GAS2: variants seen among roughly 807,000 people sequenced by gnomAD.
GAS2 encodes growth arrest-specific protein 2.
Under a neutral mutation model 37.5 loss-of-function variants are expected in GAS2, and 20 were observed. The ratio of observed to expected loss-of-function variants is 0.53; its 90% CI spans 0.37 to 0.77. GAS2 has a LOEUF of 0.77. Among genes scored for constraint, GAS2 ranks in the 30% least tolerant of loss-of-function variants. The pLI is 0.00. For missense variants in GAS2, 336 were observed against 373.4 expected, an observed-to-expected ratio of 0.90 and a Z score of 0.82; for synonymous variants, 144 against 132.2, an observed-to-expected ratio of 1.09 and a Z score of -0.61.
chr11:22,740,223 C>T (rs1852999098), intron 5 of GAS2, among the ~76,000 whole-genome samples: 1 of 152,054 alleles, frequency 6.6e-6, no homozygotes, highest in African/African-American at 2.4e-5. Flanking sequence ...GTGAATAGTT[C>T]CTCCCACCCA....
chr11:22,723,579 G>C (rs1376496561), intron 3 of GAS2, among the ~76,000 whole-genome samples: 1 of 151,714 alleles, frequency 6.6e-6, no homozygotes, highest in East Asian at 1.9e-4. Context: ...GTTCCTTTTT[G>C]CCACATAGAT....
upstream of GAS2, among the ~76,000 whole-genome samples, chr11:22,665,946 C>T (rs1848977636): frequency 2.0e-5 from 3 of 152,164 alleles, no homozygotes; most frequent in African/African-American, 7.2e-5. Flanking sequence ...AACTGATGAA[C>T]ATGAGAACAA....
intron 7 of GAS2, among the ~76,000 whole-genome samples, chr11:22,787,572 C>A (rs12789792): frequency 0.36 from 54,326 of 150,858 alleles, 10,677 homozygotes; most frequent in South Asian, 0.57. Context: ...TAGATTTATT[C>A]CGAAAAAAAA....
chr11:22,693,971 A>G (rs1009555438), intron 3 of GAS2, among the ~76,000 whole-genome samples: 1 of 152,146 alleles, frequency 6.6e-6, no homozygotes, highest in Non-Finnish European at 1.5e-5. Flanking sequence ...ATGAGAACCC[A>G]TGGACACATA....
chr11:22,735,074 A>G (rs1852676461), intron 4 of GAS2, among the ~76,000 whole-genome samples: 1 of 151,710 alleles, frequency 6.6e-6, no homozygotes, highest in Non-Finnish European at 1.5e-5. Flanking sequence ...CACAACCCCT[A>G]TCACCACCAC....
chr11:22,637,844 C>T (rs1252044533), intron 1 of GAS2, among the ~76,000 whole-genome samples: 1 of 149,330 alleles, frequency 6.7e-6, no homozygotes, highest in Non-Finnish European at 1.5e-5. Context: ...AAGCCCAAAG[C>T]TGCCACAGAT....
intron 2 of GAS2, among the ~76,000 whole-genome samples, chr11:22,684,529 G>T (rs1466302128): frequency 6.6e-6 from 1 of 152,096 alleles, no homozygotes; most frequent in African/African-American, 2.4e-5. Context: ...CAGGAAAATG[G>T]AATCTTCTGA....
At chr11:22,765,908 A>G (rs1854666362) in intron 7 of GAS2, among the ~76,000 whole-genome samples, 1 of 152,218 alleles carries the variant, frequency 6.6e-6, no homozygotes, top group African/African-American at 2.4e-5. Flanking sequence ...GTTTCTATAC[A>G]CGGTGGAAGA....
intron 7 of GAS2, among the ~76,000 whole-genome samples, chr11:22,791,516 A>G (rs560631998): frequency 2.6e-5 from 4 of 152,356 alleles, no homozygotes; most frequent in South Asian, 4.1e-4. Flanking sequence ...AGGAAAAGAA[A>G]GAGGAAAGAT....
Position 22,774,155 on chromosome 11 carries a change from G to T in GAS2, c.723+18202G>T, listed in dbSNP as rs538385440. The stretch of plus-strand genomic sequence containing the variant: ...ATTACAGGAGCATGCCACCACACCC[G>T]GCTAATTTTTGTATTTTTAGTGGAG... On this transcript the variant is annotated intron_variant, in intron 7 of 7. Transcript: ENST00000454584. Among the ~76,000 whole-genome samples the T allele has an allele frequency of 2.0e-5, 3 of 152,126 alleles. No individual in the cohort carries two copies. In the East Asian group the frequency reaches 5.8e-4, roughly 30 times the overall value.
chr11:22,738,945 AC>A (rs1317726588), intron 5 of GAS2, among the ~76,000 whole-genome samples: 2 of 152,178 alleles, frequency 1.3e-5, no homozygotes, highest in Non-Finnish European at 2.9e-5. Context: ...GAGTAAAAAA[AC>A]AATTTGAGAC....
chr11:22,650,695 T>A (rs1443063485), intron 1 of GAS2, among the ~76,000 whole-genome samples: 1 of 152,138 alleles, frequency 6.6e-6, no homozygotes, highest in East Asian at 1.9e-4. Flanking sequence ...TCTCTTTTGA[T>A]CTTTGTTGGT....
At chr11:22,652,944 C>G (rs58417251) in intron 1 of GAS2, among the ~76,000 whole-genome samples, 7,643 of 104,718 alleles carry the variant, frequency 0.073, 369 homozygotes, top group East Asian at 0.33. Flanking sequence ...CTTGGCTCCT[C>G]CACAACCTCT....
intron 7 of GAS2, among the ~76,000 whole-genome samples, chr11:22,771,937 G>A (rs1289062683): frequency 1.3e-5 from 2 of 151,992 alleles, no homozygotes; most frequent in Non-Finnish European, 2.9e-5. Flanking sequence ...GTAAATATTG[G>A]TCATATACTA....
chr11:22,755,824 T>C, intron 6 of GAS2, 22 bp from the exon 7 acceptor site: 1 of 1,562,832 alleles, frequency 6.4e-7, no homozygotes, highest in Non-Finnish European at 8.8e-7. Flanking sequence ...GACAAATGAA[T>C]GTGCCTGCTC....
rs577615274 is a variant in GAS2 at position 22,641,228 on chromosome 11, G to A, written c.-21+15415G>A. Among the ~76,000 whole-genome samples the A allele has an allele frequency of 2.0e-3, 277 of 139,954 alleles. 2 individuals are homozygous for A. The highest frequency in any genetic ancestry group is 6.7e-3 in the African/African-American group (258 of 38,238). The allele number at this position is 139,954 out of a possible 152,430, so 91.8% of individuals were successfully genotyped here. ...TATATATATATATATATGTGTGTGT[G>A]TATATATATATGTGTATATATATAT... On this transcript the variant is annotated intron_variant, in intron 1 of 5. Transcript: ENST00000528582.
chr11:22,757,149 T>G (rs976112983), intron 7 of GAS2, among the ~76,000 whole-genome samples: 2 of 152,112 alleles, frequency 1.3e-5, no homozygotes, highest in Non-Finnish European at 2.9e-5. Flanking sequence ...ACATGATTAA[T>G]AAATTATATA....
chr11:22,809,825 A>G (rs1324698110), intron 7 of GAS2, among the ~76,000 whole-genome samples: 3 of 152,096 alleles, frequency 2.0e-5, no homozygotes, highest in Non-Finnish European at 2.9e-5. Context: ...TATTAGTTCT[A>G]TGCGACACTT....
intron 7 of GAS2, among the ~76,000 whole-genome samples, chr11:22,773,126 A>T (rs1855072281): frequency 6.6e-6 from 1 of 152,072 alleles, no homozygotes; most frequent in South Asian, 2.1e-4. Flanking sequence ...CATAGTGCCA[A>T]TCTCATAATT....
Sources: gnomAD v4.1 joint callset for allele counts (sites outside exome capture counted in the v4.1 genomes callset) on GRCh38, gnomAD v4.1.1 for gene constraint, MANE v1.5 for transcripts, NCBI Gene and HGNC (gene_info 2026-07-23, HGNC 2026-07-21) for gene names.